DIAPH2: variants seen among roughly 807,000 people sequenced by gnomAD.
DIAPH2 encodes the protein diaphanous related formin 2.
A neutral mutation model predicts 92.7 loss-of-function variants in DIAPH2; 35 were observed. That is an observed-to-expected ratio of 0.38 (90% confidence interval 0.29 to 0.50). DIAPH2 has a LOEUF of 0.50. Among genes scored for constraint, DIAPH2 ranks in the 20% least tolerant of loss-of-function variants. DIAPH2 has a pLI of 0.94. For synonymous variants in DIAPH2, 301 were observed against 280.4 expected, an observed-to-expected ratio of 1.07 and a Z score of -0.73; for missense variants, 701 against 819.5, an observed-to-expected ratio of 0.86 and a Z score of 1.77.
intron 22 of DIAPH2, among the ~76,000 whole-genome samples, chrX:97,232,220 C>A (rs2068014500): frequency 9.0e-6 from 1 of 110,596 alleles, no homozygotes; most frequent in African/African-American, 3.3e-5. Flanking sequence ...ATGACCTTAC[C>A]CTTACCCTTC....
At chrX:96,966,273 C>T (rs1237777347) in intron 17 of DIAPH2, among the ~76,000 whole-genome samples, 1 of 111,246 alleles carries the variant, frequency 9.0e-6, no homozygotes, top group Non-Finnish European at 1.9e-5. Flanking sequence ...CATTTGATAT[C>T]GCAGACCTCA....
intron 4 of DIAPH2, among the ~76,000 whole-genome samples, chrX:96,806,891 A>G: frequency 9.2e-6 from 1 of 108,202 alleles, no homozygotes; most frequent in South Asian, 4.2e-4. Context: ...CAGGCGCCCG[A>G]CACCACGCCC....
chrX:97,369,734 T>A (rs1285119554), intron 24 of DIAPH2, among the ~76,000 whole-genome samples: 2 of 111,494 alleles, frequency 1.8e-5, no homozygotes, highest in East Asian at 5.6e-4. Flanking sequence ...AAACAATCAC[T>A]TTCTACTTAC....
chrX:96,707,848 C>T (rs1205715752), intron 1 of DIAPH2, among the ~76,000 whole-genome samples: 1 of 111,448 alleles, frequency 9.0e-6, no homozygotes, highest in Non-Finnish European at 1.9e-5. Flanking sequence ...TTTAGTTCTG[C>T]GGATGCTAGG....
At chrX:97,148,175 C>T (rs1274414927) in intron 22 of DIAPH2, among the ~76,000 whole-genome samples, 1 of 111,344 alleles carries the variant, frequency 9.0e-6, no homozygotes, top group African/African-American at 3.3e-5. Context: ...GATCACATAG[C>T]TGGGCAGTAG....
chrX:97,315,838 T>C lies in DIAPH2; in HGVS notation c.2845-32278T>C, dbSNP rs143603938. 5.5e-4 allele frequency among the ~76,000 whole-genome samples: 61 copies of C among 111,443 alleles called. 1 individual carries two copies. In the East Asian group the frequency reaches 0.017, roughly 31 times the overall value. The stretch of plus-strand genomic sequence containing the variant: ...TTCATTTTGAGTATCAAATGAGAGA[T>C]GTGTAGAGTGCCTATTGCATTGACT... On this transcript the variant is annotated intron_variant, in intron 23 of 26. Coordinates refer to ENST00000324765, the MANE Select transcript of DIAPH2 (RefSeq NM_006729.5).
intron 24 of DIAPH2, among the ~76,000 whole-genome samples, chrX:97,364,460 G>A (rs1260151292): frequency 2.7e-5 from 3 of 111,410 alleles, no homozygotes; most frequent in Non-Finnish European, 5.6e-5. Flanking sequence ...TTTATATATT[G>A]TCCCTTAGGC....
intron 26 of DIAPH2, among the ~76,000 whole-genome samples, chrX:97,494,468 C>T (rs1235444183): frequency 8.9e-6 from 1 of 111,780 alleles, no homozygotes; most frequent in East Asian, 2.8e-4. Context: ...CTTTGTTAGC[C>T]TATTCATAGA....
intron 23 of DIAPH2, among the ~76,000 whole-genome samples, chrX:97,281,367 A>G (rs940900252): frequency 1.3e-4 from 14 of 111,525 alleles, no homozygotes; most frequent in African/African-American, 3.9e-4. Context: ...TTCTTGAAAC[A>G]TACTGAAATT....
At chrX:97,428,793 A>G (rs6620275) in intron 25 of DIAPH2, among the ~76,000 whole-genome samples, 43,074 of 110,216 alleles carry the variant, frequency 0.39, 6,073 homozygotes, top group East Asian at 0.58. Flanking sequence ...GGCTGAGCTC[A>G]CTGGGGATTA....
At chrX:96,860,534 G>T (rs1268064270) in intron 4 of DIAPH2, among the ~76,000 whole-genome samples, 1 of 111,939 alleles carries the variant, frequency 8.9e-6, no homozygotes, top group Admixed American at 9.4e-5. Flanking sequence ...TGTTTGAAAA[G>T]AATTTGACGG....
At chrX:97,121,039 G>A (rs5921347) in intron 21 of DIAPH2, among the ~76,000 whole-genome samples, 3,458 of 111,762 alleles carry the variant, frequency 0.031, 55 homozygotes, top group Middle Eastern at 0.05. Context: ...GTAAGTACAC[G>A]CAAAGTTTTG....
intron 23 of DIAPH2, among the ~76,000 whole-genome samples, chrX:97,311,744 TC>T (rs2068795433): frequency 9.0e-6 from 1 of 111,323 alleles, no homozygotes; most frequent in Non-Finnish European, 1.9e-5. Flanking sequence ...TAAACCATAA[TC>T]CCTGGCTAAT....
chrX:97,084,996 T>C (rs933105828), intron 19 of DIAPH2, among the ~76,000 whole-genome samples: 1 of 112,076 alleles, frequency 8.9e-6, no homozygotes, highest in Non-Finnish European at 1.9e-5. Context: ...AAATTTAGCT[T>C]TCAATGCTTG....
intron 5 of DIAPH2, among the ~76,000 whole-genome samples, chrX:96,887,462 A>G (rs1055700223): frequency 9.0e-6 from 1 of 111,353 alleles, no homozygotes; most frequent in African/African-American, 3.3e-5. Context: ...AGGAACCTGA[A>G]AAACATAATT....
chrX:96,916,425 T>TG lies in DIAPH2; in HGVS notation c.733-13_733-12insG. ...AGACATTCTGAATGAAGGTTTTTTT[T>TG]TTTTTTTTTTAGTTTGGATTACAAA... On this transcript the variant is annotated splice_polypyrimidine_tract_variant and intron_variant, in intron 7 of 26. Coordinates refer to ENST00000324765, the MANE Select transcript of DIAPH2 (RefSeq NM_006729.5). 9.5e-7 allele frequency: 1 copy of TG among 1,054,907 alleles called. No homozygotes were observed. Among genetic ancestry groups the TG allele is most frequent in the African/African-American group, 1.9e-5 (1 of 51,690 alleles). The allele number at this position is 1,054,907 out of a possible 1,213,427, so 86.9% of individuals were successfully genotyped here. A position where few individuals can be genotyped will look rare whatever the true frequency, so the allele number is the denominator to read the frequency against.
chrX:97,521,650 TA>T (rs1334264893), intron 26 of DIAPH2, among the ~76,000 whole-genome samples: 1 of 111,313 alleles, frequency 9.0e-6, no homozygotes, highest in Non-Finnish European at 1.9e-5. Flanking sequence ...GATGGTTTTA[TA>T]AGAGGCTTCC....
intron 19 of DIAPH2, among the ~76,000 whole-genome samples, chrX:97,097,293 A>G (rs1450161689): frequency 1.8e-5 from 2 of 112,165 alleles, no homozygotes; most frequent in East Asian, 2.8e-4. Context: ...AGCAATATGT[A>G]CTATTGTAGT....
chrX:96,948,299 C>T (rs2147809015), intron 14 of DIAPH2, among the ~76,000 whole-genome samples: 1 of 112,446 alleles, frequency 8.9e-6, no homozygotes, highest in South Asian at 3.7e-4. Flanking sequence ...TGAGGCTGCA[C>T]ATGGTGGCTC....
Sources: allele counts gnomAD v4.1 joint callset (sites outside exome capture counted in the v4.1 genomes callset), GRCh38; gene constraint gnomAD v4.1.1; transcripts MANE v1.5; gene names NCBI Gene and HGNC (gene_info 2026-07-23, HGNC 2026-07-21).